Variants in ERAP2 observed in about 807,000 individuals in gnomAD.
The protein encoded by ERAP2 is leukocyte-derived arginine aminopeptidase.
A neutral mutation model predicts 111.1 loss-of-function variants in ERAP2; 118 were observed. The ratio of observed to expected loss-of-function variants is 1.06; its 90% CI spans 0.92 to 1.24. The LOEUF is 1.24. Ranked by LOEUF, ERAP2 falls within the 50% of genes most tolerant of loss-of-function variation. ERAP2 has a pLI of 0.00. For missense variants in ERAP2, 1,131 were observed against 1,125.8 expected, an observed-to-expected ratio of 1.00 and a Z score of -0.07; for synonymous variants, 410 against 401.2, an observed-to-expected ratio of 1.02 and a Z score of -0.26.
At chr5:96,903,604 G>C in intron 13 of ERAP2, 44 bp downstream of exon 13, 1 of 1,514,144 alleles carries the variant, frequency 6.6e-7, no homozygotes, top group Non-Finnish European at 8.9e-7. Flanking sequence ...TAACTGATTC[G>C]TAACCAGATA....
intron 15 of ERAP2, among the ~76,000 whole-genome samples, chr5:96,910,700 T>C (rs1161745111): frequency 6.6e-6 from 1 of 152,234 alleles, no homozygotes; most frequent in Non-Finnish European, 1.5e-5. Flanking sequence ...GGTAAACTTA[T>C]TTATGCTCAC....
At chr5:96,907,999 C>T (rs1316994709) in intron 13 of ERAP2, among the ~76,000 whole-genome samples, 1 of 152,112 alleles carries the variant, frequency 6.6e-6, no homozygotes, top group Non-Finnish European at 1.5e-5. Flanking sequence ...TTTAAAGCAG[C>T]AAGTCATCGT....
intron 9 of ERAP2, among the ~76,000 whole-genome samples, chr5:96,898,572 C>A (rs368422477): frequency 3.9e-3 from 363 of 94,084 alleles, no homozygotes; most frequent in Middle Eastern, 6.3e-3. Context: ...TACTAAAATA[C>A]AAAAAAAAAA....
intron 15 of ERAP2, among the ~76,000 whole-genome samples, chr5:96,910,797 A>G (rs1786653379): frequency 6.6e-6 from 1 of 152,216 alleles, no homozygotes; most frequent in African/African-American, 2.4e-5. Flanking sequence ...TTCTTTACAT[A>G]GATTAATTGA....
chr5:96,881,414 T>C (rs1362789316), intron 2 of ERAP2: 5 of 455,834 alleles, frequency 1.1e-5, no homozygotes, highest in Non-Finnish European at 1.8e-5. Context: ...GTGAGGGAAA[T>C]AGAAGAATCA....
intron 7 of ERAP2, 138 bp from the exon 8 acceptor site, chr5:96,896,235 T>C: frequency 1.6e-6 from 1 of 638,270 alleles, no homozygotes; most frequent in Non-Finnish European, 2.6e-6. Context: ...GGGGAATACA[T>C]ACAAGAAAAG....
At chr5:96,908,230 A>T (rs1481840037) in intron 13 of ERAP2, among the ~76,000 whole-genome samples, 1 of 152,200 alleles carries the variant, frequency 6.6e-6, no homozygotes. Context: ...AGAATGGCTT[A>T]TAGACTCTGT....
At chr5:96,893,653 G>A (rs147368215) in intron 6 of ERAP2, among the ~76,000 whole-genome samples, 6 of 152,154 alleles carry the variant, frequency 3.9e-5, no homozygotes, top group Non-Finnish European at 7.3e-5. Context: ...TCTCTTCCAC[G>A]GAGATGCAGT....
intron 6 of ERAP2, among the ~76,000 whole-genome samples, chr5:96,893,061 A>C (rs1047579007): frequency 1.3e-5 from 2 of 152,184 alleles, no homozygotes; most frequent in African/African-American, 4.8e-5. Flanking sequence ...AATAAGTATT[A>C]GTTATTAATG....
chr5:96,881,580 T>G (rs1287417910), intron 2 of ERAP2: 13 of 437,910 alleles, frequency 3.0e-5, no homozygotes, highest in Non-Finnish European at 6.0e-5. Flanking sequence ...CACAGGGGCA[T>G]ATTTTTCTCA....
At chr5:96,896,302 CCTA>C (rs1784850424) in intron 7 of ERAP2, 68 bp from the exon 8 acceptor site, 3 of 1,237,764 alleles carry the variant, frequency 2.4e-6, no homozygotes, top group Non-Finnish European at 3.4e-6. Context: ...TCTTACTAAA[CCTA>C]CTATGTTTTC....
Position 96,909,063 on chromosome 5 carries a change from G to T in ERAP2, c.2115G>T (p.Ser705=), listed in dbSNP as rs747111277. ...ALLEGLSYLE[S]FYHMMDRRNI... is the part of the protein sequence containing the mutation. Reference sequence around the variant, plus strand: ...TCGAAGGTCTGAGTTACTTGGAATCGTTTTACCACATGATGGACAGAAGGA... The same window carrying T: ...TCGAAGGTCTGAGTTACTTGGAATCTTTTTACCACATGATGGACAGAAGGA... Residue 705 remains serine, a synonymous_variant, in exon 14 of 19, where the codon TCG becomes TCT. Transcript: ENST00000437043. The T allele has an allele frequency of 6.2e-7, 1 of 1,614,114 alleles. No homozygotes were observed. Among genetic ancestry groups the T allele is most frequent in the South Asian group, 1.1e-5 (1 of 91,082 alleles).
intron 4 of ERAP2, among the ~76,000 whole-genome samples, chr5:96,888,691 TG>T (rs1442367364): frequency 6.6e-6 from 1 of 152,202 alleles, no homozygotes; most frequent in Non-Finnish European, 1.5e-5. Flanking sequence ...CTAATTTCTT[TG>T]GGGGAGCCAT....
chr5:96,886,206 G>T (rs1271180526), intron 3 of ERAP2, among the ~76,000 whole-genome samples: 1 of 152,156 alleles, frequency 6.6e-6, no homozygotes, highest in African/African-American at 2.4e-5. Flanking sequence ...AAAAGATAAT[G>T]TGCAGCCTCT....
At chr5:96,900,353 A>G (rs1168586984) in intron 10 of ERAP2, 164 bp downstream of exon 10, 10 of 1,094,480 alleles carry the variant, frequency 9.1e-6, no homozygotes, top group Admixed American at 8.8e-5. Flanking sequence ...TGCTTGGGGT[A>G]TTTAGGGGGA....
At chr5:96,917,361 T>C (rs886251641) in intron 18 of ERAP2, 101 bp from the exon 19 acceptor site, 7 of 1,080,136 alleles carry the variant, frequency 6.5e-6, no homozygotes, top group Non-Finnish European at 9.4e-6. Context: ...GCTCAATTGA[T>C]CTGCCCACCT....
rs912014652 is a variant in ERAP2, at chr5:96,918,836, C to T, written c.*1231C>T. Reference sequence around the variant, plus strand: ...GAATGTAAATATTTAGATGCAGCACCATATTTTATAACCCAGCTTTAGCAT... The same window carrying T: ...GAATGTAAATATTTAGATGCAGCACTATATTTTATAACCCAGCTTTAGCAT... On this transcript the variant is annotated 3_prime_UTR_variant, in exon 19 of 19. Coordinates refer to ENST00000437043, the MANE Select transcript of ERAP2 (RefSeq NM_022350.5). 6.6e-6 allele frequency: 1 copy of T among 152,124 alleles called. No individual in the cohort carries two copies. The highest frequency in any genetic ancestry group is 2.4e-5 in the African/African-American group (1 of 41,428). The allele number at this position is 152,124 out of a possible 1,614,324, so 9.4% of individuals were successfully genotyped here.
chr5:96,890,449 C>G (rs1326962543), intron 5 of ERAP2, among the ~76,000 whole-genome samples: 2 of 152,194 alleles, frequency 1.3e-5, no homozygotes, highest in Non-Finnish European at 2.9e-5. Context: ...GCCATGCAGC[C>G]CAGTTTCTAA....
chr5:96,879,774 C>A lies in ERAP2; in HGVS notation c.89C>A (p.Pro30His), dbSNP rs769082342. The A allele has an allele frequency of 3.3e-5, 54 of 1,614,048 alleles. No homozygotes were observed. Among genetic ancestry groups the A allele is most frequent in the Admixed American group, 3.2e-4 (19 of 59,992 alleles). ...RGFYCLTAIL[P>H]QICICSQFSV... ...TTTTACTGCTTAACAGCCATCTTGC[C>A]CCAAATATGCATTTGTTCTCAGTTC... Residue 30 changes from proline (P) to histidine (H), a missense_variant, in exon 2 of 19, where the codon CCC becomes CAC. Coordinates refer to ENST00000437043, the MANE Select transcript of ERAP2 (RefSeq NM_022350.5).
Sources: gnomAD v4.1 joint callset for allele counts (sites outside exome capture counted in the v4.1 genomes callset) on GRCh38, gnomAD v4.1.1 for gene constraint, MANE v1.5 for transcripts, NCBI Gene and HGNC (gene_info 2026-07-23, HGNC 2026-07-21) for gene names.